Variants in CTNNA3 observed in about 807,000 individuals in gnomAD.
CTNNA3 encodes catenin alpha-3.
A neutral mutation model predicts 95.7 loss-of-function variants in CTNNA3; 76 were observed. That is an observed-to-expected ratio of 0.79 (90% CI 0.66 to 0.96). The LOEUF (loss-of-function observed/expected upper bound fraction) is 0.96, where lower values mean the gene tolerates loss of function less well. CTNNA3 is among the 40% of genes least tolerant of loss of function. The pLI, the probability that CTNNA3 is intolerant of heterozygous loss-of-function variation, is 0.00. For missense variants in CTNNA3, 1,191 were observed against 1,089.8 expected (o/e 1.09, Z -1.31); for synonymous variants, 431 against 374.4 (o/e 1.15, Z -1.74).
At chr10:66,614,533 G>A (rs977107469) in intron 10 of CTNNA3, among the ~76,000 whole-genome samples, 1 of 151,786 alleles carries the variant, frequency 6.6e-6, no homozygotes, top group Non-Finnish European at 1.5e-5. Flanking sequence ...TGCTTCTCTA[G>A]GGCAATCTTG....
chr10:66,797,431 TA>T (rs1161861014), intron 7 of CTNNA3, among the ~76,000 whole-genome samples: 1 of 151,332 alleles, frequency 6.6e-6, no homozygotes, highest in Non-Finnish European at 1.5e-5. Flanking sequence ...AACCCACATT[TA>T]AATACTAACA....
intron 7 of CTNNA3, among the ~76,000 whole-genome samples, chr10:66,854,711 G>T (rs762633905): frequency 4.6e-5 from 7 of 151,424 alleles, no homozygotes; most frequent in Non-Finnish European, 1.0e-4. Flanking sequence ...GTAAGAATGT[G>T]GTAGATGTGT....
Position 67,423,717 on chromosome 10 carries a change from G to A in CTNNA3, c.579+98125C>T, listed in dbSNP as rs371538704. Among the ~76,000 whole-genome samples, 33 of 152,234 alleles carry A rather than the reference G, an allele frequency of 2.2e-4. 1 individual carries two copies. The East Asian group carries it at 6.4e-3, about 29-fold the overall frequency. ...ATGAGACAAAGTTAACATTATTGAT[G>A]ATTGATAATGGAGTGTATTATTCTC... On this transcript the variant is annotated intron_variant, in intron 5 of 17. Transcript: ENST00000433211.
chr10:66,782,004 C>T (rs1363422249), intron 7 of CTNNA3, among the ~76,000 whole-genome samples: 2 of 152,024 alleles, frequency 1.3e-5, no homozygotes, highest in Non-Finnish European at 2.9e-5. Context: ...AACTTAAACT[C>T]AATATATCTG....
intron 3 of CTNNA3, among the ~76,000 whole-genome samples, chr10:67,547,945 C>G (rs1840895836): frequency 6.6e-6 from 1 of 152,148 alleles, no homozygotes; most frequent in South Asian, 2.1e-4. Context: ...GTTAAGATAG[C>G]AATACTCCCC....
intron 11 of CTNNA3, among the ~76,000 whole-genome samples, chr10:66,503,915 A>C (rs1840362278): frequency 6.6e-6 from 1 of 152,134 alleles, no homozygotes; most frequent in African/African-American, 2.4e-5. Flanking sequence ...TTTTAAAATT[A>C]TTTCTTTTTT....
chr10:66,577,495 T>C (rs1308793019), intron 10 of CTNNA3, among the ~76,000 whole-genome samples: 12 of 152,066 alleles, frequency 7.9e-5, no homozygotes, highest in African/African-American at 2.7e-4. Flanking sequence ...CTTGAGTTAA[T>C]TTGGGTATAT....
intron 10 of CTNNA3, among the ~76,000 whole-genome samples, chr10:66,576,442 T>C (rs540962826): frequency 4.9e-4 from 74 of 152,108 alleles, no homozygotes; most frequent in African/African-American, 1.8e-3. Context: ...GTAGTGAGCA[T>C]AGTACATAAC....
chr10:67,626,255 C>T (rs1327701094), intron 2 of CTNNA3, among the ~76,000 whole-genome samples: 1 of 151,542 alleles, frequency 6.6e-6, no homozygotes, highest in Non-Finnish European at 1.5e-5. Flanking sequence ...TTTTGGGGTA[C>T]CCATTTGTCA....
intron 7 of CTNNA3, among the ~76,000 whole-genome samples, chr10:66,978,164 A>C (rs1589533018): frequency 6.6e-6 from 1 of 152,032 alleles, no homozygotes; most frequent in East Asian, 1.9e-4. Flanking sequence ...ATAGGTATAA[A>C]ATTTCAGTTA....
At chr10:66,697,657 G>A (rs766684642) in intron 9 of CTNNA3, among the ~76,000 whole-genome samples, 10 of 152,126 alleles carry the variant, frequency 6.6e-5, no homozygotes, top group Admixed American at 2.0e-4. Context: ...CAATGTGCTC[G>A]TCTATGAATT....
intron 7 of CTNNA3, among the ~76,000 whole-genome samples, chr10:67,007,664 A>C (rs577192021): frequency 1.3e-5 from 2 of 152,040 alleles, no homozygotes; most frequent in Non-Finnish European, 2.9e-5. Context: ...GCCTTCAAAG[A>C]CCACTCAACA....
intron 12 of CTNNA3, among the ~76,000 whole-genome samples, chr10:66,283,799 G>A (rs1293952006): frequency 6.6e-6 from 1 of 151,752 alleles, no homozygotes. Context: ...ATGGACATAT[G>A]GTTGCTTGGA....
At chr10:66,121,737 A>T (rs923042402) in intron 13 of CTNNA3, among the ~76,000 whole-genome samples, 7 of 152,156 alleles carry the variant, frequency 4.6e-5, no homozygotes, top group African/African-American at 1.4e-4. Context: ...ACTACTTGTG[A>T]GGCTGAGTTG....
intron 10 of CTNNA3, among the ~76,000 whole-genome samples, chr10:66,575,411 T>A (rs967628638): frequency 1.3e-5 from 2 of 152,090 alleles, no homozygotes; most frequent in African/African-American, 4.8e-5. Context: ...AGATTTAAAT[T>A]ATAAGAGGAA....
chr10:67,477,518 T>C (rs144835411), intron 5 of CTNNA3, among the ~76,000 whole-genome samples: 24 of 152,096 alleles, frequency 1.6e-4, no homozygotes, highest in African/African-American at 5.1e-4. Flanking sequence ...ATATAAAACC[T>C]GCATAGCCCA....
At chr10:67,763,203 C>A (rs754443873) in intron 1 of CTNNA3, among the ~76,000 whole-genome samples, 1 of 151,778 alleles carries the variant, frequency 6.6e-6, no homozygotes, top group Non-Finnish European at 1.5e-5. Context: ...CTGGCAATGT[C>A]GGGAATTACT....
intron 7 of CTNNA3, among the ~76,000 whole-genome samples, chr10:66,962,468 G>C (rs1849165794): frequency 6.6e-6 from 1 of 150,804 alleles, no homozygotes; most frequent in Non-Finnish European, 1.5e-5. Flanking sequence ...GGAGTGCAGT[G>C]GTGTGATCTC....
chr10:66,093,836 G>A (rs942506143), intron 14 of CTNNA3, among the ~76,000 whole-genome samples: 1 of 151,906 alleles, frequency 6.6e-6, no homozygotes, highest in Admixed American at 6.6e-5. Context: ...TGCTTTTGGG[G>A]CAAGATATCT....
Sources: gnomAD v4.1 joint callset for allele counts (sites outside exome capture counted in the v4.1 genomes callset) on GRCh38, gnomAD v4.1.1 for gene constraint, MANE v1.5 for transcripts, NCBI Gene and HGNC (gene_info 2026-07-23, HGNC 2026-07-21) for gene names.